IL6R: variants seen among roughly 807,000 people sequenced by gnomAD.
IL6R encodes the protein interleukin-6 receptor subunit alpha.
IL6R carries 38 observed loss-of-function variants against 48.3 expected under a neutral mutation model. That is an observed-to-expected ratio of 0.79 (90% CI 0.61 to 1.03). The LOEUF is 1.03. Ranked by LOEUF, IL6R falls within the 50% of genes least tolerant of loss-of-function variation. The pLI is 0.00. For missense variants in IL6R, 534 were observed against 618.3 expected, an observed-to-expected ratio of 0.86 and a Z score of 1.45; for synonymous variants, 264 against 256.2, an observed-to-expected ratio of 1.03 and a Z score of -0.29.
At chr1:154,419,604 C>A in intron 1 of IL6R, among the ~76,000 whole-genome samples, 1 of 152,244 alleles carries the variant, frequency 6.6e-6, no homozygotes, top group Non-Finnish European at 1.5e-5. Flanking sequence ...CGGGGACCTG[C>A]GTCTCTGCTC....
chr1:154,443,138 A>C (rs1690030588), intron 6 of IL6R, among the ~76,000 whole-genome samples: 1 of 152,176 alleles, frequency 6.6e-6, no homozygotes, highest in Admixed American at 6.5e-5. Context: ...GCTTCTCACA[A>C]ATAATCCCTT....
In IL6R at chr1:154,436,088, G is replaced by A; in HGVS notation, c.927G>A (p.Glu309=). The stretch of plus-strand genomic sequence containing the variant: ...GCGAGTGGAGCGAGTGGAGCCCGGA[G>A]GCCATGGGCACGCCTTGGACAGGTA... ...GQGEWSEWSP[E]AMGTPWTESR... The change falls in exon 6 of 10, where the codon GAG becomes GAA. Residue 309 remains glutamate, a synonymous_variant. Transcript: ENST00000368485. 1 of 1,612,380 alleles carries A rather than the reference G, an allele frequency of 6.2e-7. No individual in the cohort carries two copies. Among genetic ancestry groups the A allele is most frequent in the Non-Finnish European group, 8.5e-7 (1 of 1,178,858 alleles).
In IL6R at chr1:154,405,801, A is replaced by G; in HGVS notation, c.85+87A>G. ...GTCACCGCAGTCTGTGGGAGGCTGG[A>G]GGGAGGAAAGGAGGTGCGACGGATC... On this transcript the variant is annotated intron_variant, in intron 1 of 9. Coordinates refer to ENST00000368485, the MANE Select transcript of IL6R (RefSeq NM_000565.4). The surrounding 1 kb of genome is among the most constrained non-coding windows in gnomAD (Gnocchi z 5.2). 2.0e-6 allele frequency: 2 copies of G among 994,502 alleles called. No individual in the cohort carries two copies. The highest frequency in any genetic ancestry group is 1.8e-5 in the South Asian group (1 of 54,316). The allele number at this position is 994,502 out of a possible 1,614,324, so 61.6% of individuals were successfully genotyped here. A position where few individuals can be genotyped will look rare whatever the true frequency, so the allele number is the denominator to read the frequency against.
intron 1 of IL6R, among the ~76,000 whole-genome samples, chr1:154,419,606 T>C (rs1182442785): frequency 6.6e-6 from 1 of 152,140 alleles, no homozygotes; most frequent in Non-Finnish European, 1.5e-5. Context: ...GGGACCTGCG[T>C]CTCTGCTCAG....
At position 154,468,899 on chromosome 1, in the gene IL6R, T is replaced by C. The variant is rs1405200613; in HGVS notation, c.*3519T>C. ...GGAGTTGGTGGTCTTAATTTGGAGA[T>C]GCAGGGGCAACCTGTGACCCTTTGA... On this transcript the variant is annotated 3_prime_UTR_variant, in exon 10 of 10. Coordinates refer to ENST00000368485, the MANE Select transcript of IL6R (RefSeq NM_000565.4). 2.0e-5 allele frequency: 3 copies of C among 152,262 alleles called. No homozygotes were observed. Among genetic ancestry groups the C allele is most frequent in the Non-Finnish European group, 4.4e-5 (3 of 68,084 alleles). The allele number at this position is 152,262 out of a possible 1,614,324, so 9.4% of individuals were successfully genotyped here.
At chr1:154,463,802 C>A (rs1253648404) in intron 9 of IL6R, among the ~76,000 whole-genome samples, 2 of 152,238 alleles carry the variant, frequency 1.3e-5, no homozygotes, top group African/African-American at 4.8e-5. Context: ...GCTTTGGGCC[C>A]AGAGTGGAGC....
chr1:154,416,226 C>T lies in IL6R; in HGVS notation c.85+10512C>T, dbSNP rs574879734. On this transcript the variant is annotated intron_variant, in intron 1 of 9. Transcript: ENST00000368485. ...CTCACTGCAACCTTGAACTCCTGGA[C>T]TCACGCAATCCTCTTGCCTTGGCTT... 1.1e-4 allele frequency among the ~76,000 whole-genome samples: 16 copies of T among 152,122 alleles called. 1 individual carries two copies. The highest frequency in any genetic ancestry group is 6.5e-5 in the Admixed American group (1 of 15,270).
At chr1:154,413,528 C>G (rs917262572) in intron 1 of IL6R, among the ~76,000 whole-genome samples, 1 of 152,214 alleles carries the variant, frequency 6.6e-6, no homozygotes, top group South Asian at 2.1e-4. Context: ...ATGCTTGTGT[C>G]CCTATGCCCT....
intron 1 of IL6R, among the ~76,000 whole-genome samples, chr1:154,409,013 G>A (rs1687884534): frequency 6.6e-6 from 1 of 152,152 alleles, no homozygotes. Context: ...TGGGCACAGT[G>A]ACATGAGCCT....
chr1:154,407,694 T>C (rs1570909964), intron 1 of IL6R, among the ~76,000 whole-genome samples: 1 of 152,132 alleles, frequency 6.6e-6, no homozygotes, highest in Admixed American at 6.5e-5. Flanking sequence ...AATCCGCAGG[T>C]ACAGCCTGCG....
At chr1:154,455,543 T>C (rs1690826298) in intron 9 of IL6R, among the ~76,000 whole-genome samples, 1 of 150,046 alleles carries the variant, frequency 6.7e-6, no homozygotes, top group African/African-American at 2.4e-5. Flanking sequence ...AACCCCACCT[T>C]CTGGGTTCAC....
chr1:154,458,885 A>C (rs532734812), intron 9 of IL6R, among the ~76,000 whole-genome samples: 2 of 148,994 alleles, frequency 1.3e-5, no homozygotes, highest in Non-Finnish European at 3.0e-5. Context: ...TGGGCAGCAG[A>C]AGGAGACTCC....
At chr1:154,454,920 C>CT (rs972063100) in intron 9 of IL6R, among the ~76,000 whole-genome samples, 3 of 151,238 alleles carry the variant, frequency 2.0e-5, no homozygotes, top group Non-Finnish European at 4.4e-5. Context: ...GAAGAGGGTT[C>CT]TTTTTTTTTG....
At chr1:154,432,883 G>A (rs1689382438) in intron 3 of IL6R, among the ~76,000 whole-genome samples, 1 of 152,212 alleles carries the variant, frequency 6.6e-6, no homozygotes, top group Non-Finnish European at 1.5e-5. Context: ...GCCTGGAAGA[G>A]ACAGGCCCCT....
At chr1:154,437,328 A>G in intron 6 of IL6R, 2 of 250,770 alleles carry the variant, frequency 8.0e-6, no homozygotes, top group Non-Finnish European at 1.7e-5. Flanking sequence ...CAATCTCCTG[A>G]CCTTGTGATC....
chr1:154,412,537 C>T (rs544732176), intron 1 of IL6R, among the ~76,000 whole-genome samples: 6 of 152,048 alleles, frequency 3.9e-5, no homozygotes, highest in East Asian at 1.9e-4. Flanking sequence ...GGATTACAGA[C>T]GTGAGCTACC....
chr1:154,415,180 C>T (rs1688262731), intron 1 of IL6R: 4 of 712,024 alleles, frequency 5.6e-6, no homozygotes, highest in Admixed American at 2.0e-5. Flanking sequence ...GCCAGGGGCC[C>T]GGAGCTCAAG....
chr1:154,449,187 G>C (rs573638627), intron 7 of IL6R, among the ~76,000 whole-genome samples: 3 of 1,900 alleles, frequency 1.6e-3, no homozygotes, highest in African/African-American at 4.5e-3. Context: ...GAGCCACCGC[G>C]CCCGGCCTTG....
chr1:154,431,556 A>G (rs1419406691), intron 3 of IL6R, among the ~76,000 whole-genome samples: 4 of 152,378 alleles, frequency 2.6e-5, no homozygotes, highest in African/African-American at 9.6e-5. Context: ...ATATACTGTA[A>G]TAACAGTTAT....
Sources: gnomAD v4.1 joint callset for allele counts (sites outside exome capture counted in the v4.1 genomes callset) on GRCh38, gnomAD v4.1.1 for gene constraint, Gnocchi (gnomAD v3.1) non-coding constraint, MANE v1.5 for transcripts, NCBI Gene and HGNC (gene_info 2026-07-23, HGNC 2026-07-21) for gene names.